GRIK2: variants seen among roughly 807,000 people sequenced by gnomAD.
GRIK2 encodes glutamate ionotropic receptor kainate type subunit 2.
Under a neutral mutation model 100.3 loss-of-function variants are expected in GRIK2, and 32 were observed. The observed-to-expected ratio is 0.32, with a 90% CI of 0.24 to 0.43. The LOEUF (loss-of-function observed/expected upper bound fraction) is 0.43. GRIK2 is among the 20% of genes least tolerant of loss of function. GRIK2 has a pLI of 1.00. For synonymous variants in GRIK2, 417 were observed against 389.4 expected (o/e 1.07, Z -0.83); for missense variants, 843 against 1,114.9 (o/e 0.76, Z 3.47).
intron 14 of GRIK2, among the ~76,000 whole-genome samples, chr6:102,028,026 T>A (rs1769793172): frequency 6.6e-6 from 1 of 151,110 alleles, no homozygotes; most frequent in Non-Finnish European, 1.5e-5. Context: ...CACTAAAACA[T>A]TCAGAAAAGA....
chr6:101,948,449 A>G (rs890553634), intron 14 of GRIK2, among the ~76,000 whole-genome samples: 58 of 147,208 alleles, frequency 3.9e-4, no homozygotes, highest in African/African-American at 1.3e-3. Flanking sequence ...TAACTAATAT[A>G]TATATATATA....
At chr6:102,018,365 A>G (rs1254769383) in intron 14 of GRIK2, among the ~76,000 whole-genome samples, 1 of 152,108 alleles carries the variant, frequency 6.6e-6, no homozygotes, top group African/African-American at 2.4e-5. Flanking sequence ...CTCGCCAAAT[A>G]TGTTAGGCTC....
intron 10 of GRIK2, among the ~76,000 whole-genome samples, chr6:101,820,406 A>T (rs184153515): frequency 3.9e-4 from 60 of 152,030 alleles, no homozygotes; most frequent in Non-Finnish European, 7.6e-4. Flanking sequence ...TCAAAACATC[A>T]CTTATTTTAT....
At chr6:101,689,263 T>C (rs532094381) in intron 7 of GRIK2, among the ~76,000 whole-genome samples, 1 of 152,226 alleles carries the variant, frequency 6.6e-6, no homozygotes, top group African/African-American at 2.4e-5. Flanking sequence ...GTATCTCTTT[T>C]TCTTTTTATC....
Position 101,815,209 on chromosome 6 carries a change from A to G in GRIK2, c.1204-3161A>G, listed in dbSNP as rs150372402. On this transcript the variant is annotated intron_variant, in intron 9 of 16. Coordinates refer to ENST00000369134, the MANE Select transcript of GRIK2 (RefSeq NM_021956.5). ...AATGACAGGAAAAAATAGGACCACA[A>G]TATTAACCATGATTGACTCTGGGTG... Among the ~76,000 whole-genome samples the G allele has an allele frequency of 3.9e-3, 589 of 152,268 alleles. 6 individuals carry two copies. Among genetic ancestry groups the G allele is most frequent in the African/African-American group, 0.014 (564 of 41,552 alleles).
In GRIK2 at chr6:101,651,539, G is replaced by GA. The variant is rs553202507; in HGVS notation, c.541+24909dup. Among the ~76,000 whole-genome samples the GA allele has an allele frequency of 3.5e-3, 529 of 152,146 alleles. 6 individuals are homozygous for GA. Among genetic ancestry groups the GA allele is most frequent in the African/African-American group, 0.012 (484 of 41,522 alleles). On this transcript the variant is annotated intron_variant, in intron 4 of 16. Coordinates refer to ENST00000369134, the MANE Select transcript of GRIK2 (RefSeq NM_021956.5). ...ATGTTAGAAGGCGATAAGTGCAACAGAAAAAAATAGAGCAATGCAAGAGGA... is the reference window on the plus strand; with the variant it reads ...ATGTTAGAAGGCGATAAGTGCAACAGAAAAAAAATAGAGCAATGCAAGAGGA...
intron 15 of GRIK2, among the ~76,000 whole-genome samples, chr6:102,054,010 TA>T (rs1771341834): frequency 6.6e-6 from 1 of 152,168 alleles, no homozygotes; most frequent in African/African-American, 2.4e-5. Context: ...ATTCCCCTAA[TA>T]TACTTAAGAA....
intron 4 of GRIK2, among the ~76,000 whole-genome samples, chr6:101,665,940 T>G (rs969018145): frequency 1.3e-5 from 2 of 152,054 alleles, no homozygotes; most frequent in African/African-American, 4.8e-5. Context: ...AGAACTAGTT[T>G]GGGAATACTG....
chr6:101,874,081 G>A (rs1273264842), intron 11 of GRIK2, among the ~76,000 whole-genome samples: 7 of 152,130 alleles, frequency 4.6e-5, no homozygotes, highest in Admixed American at 4.6e-4. Flanking sequence ...CTTTTGCTGT[G>A]CAGAAGCTCT....
intron 7 of GRIK2, among the ~76,000 whole-genome samples, chr6:101,757,096 A>G (rs1382084087): frequency 1.3e-5 from 2 of 152,154 alleles, no homozygotes; most frequent in Admixed American, 6.6e-5. Flanking sequence ...TATGGTTAGC[A>G]TGGAATGAGA....
intron 4 of GRIK2, among the ~76,000 whole-genome samples, chr6:101,663,129 C>T (rs955286626): frequency 1.3e-5 from 2 of 152,092 alleles, no homozygotes; most frequent in Non-Finnish European, 2.9e-5. Flanking sequence ...ACATCATAAG[C>T]TCTTTCATCA....
chr6:101,628,917 G>A (rs1164511940), intron 4 of GRIK2, among the ~76,000 whole-genome samples: 4 of 152,014 alleles, frequency 2.6e-5, no homozygotes, highest in African/African-American at 9.7e-5. Flanking sequence ...ACAATCCTAC[G>A]TGTATGCACA....
chr6:101,837,238 A>G (rs538419125), intron 10 of GRIK2, among the ~76,000 whole-genome samples: 6 of 152,278 alleles, frequency 3.9e-5, no homozygotes, highest in Non-Finnish European at 8.8e-5. Context: ...AAACCCAGAC[A>G]GTATTGTCTG....
At chr6:101,766,726 C>T (rs184283941) in intron 7 of GRIK2, among the ~76,000 whole-genome samples, 192 of 152,246 alleles carry the variant, frequency 1.3e-3, no homozygotes, top group Admixed American at 2.4e-3. Context: ...CCAAATGAGC[C>T]CCATTCTTAG....
At chr6:101,871,483 G>A (rs770769801) in intron 11 of GRIK2, among the ~76,000 whole-genome samples, 8 of 150,884 alleles carry the variant, frequency 5.3e-5, no homozygotes, top group Non-Finnish European at 8.8e-5. Flanking sequence ...CCATAACCCC[G>A]ATAGTGAGCA....
intron 14 of GRIK2, among the ~76,000 whole-genome samples, chr6:102,016,449 A>G (rs995131359): frequency 3.9e-5 from 6 of 152,058 alleles, no homozygotes; most frequent in Non-Finnish European, 8.8e-5. Flanking sequence ...AATTTTAAAA[A>G]AAGAATGAAC....
At chr6:101,557,796 C>T (rs1776817775) in intron 2 of GRIK2, among the ~76,000 whole-genome samples, 2 of 152,172 alleles carry the variant, frequency 1.3e-5, no homozygotes, top group Admixed American at 1.3e-4. Context: ...GCTACCTGTT[C>T]ATTTAGCACC....
At chr6:101,778,599 A>G (rs933930873) in intron 7 of GRIK2, among the ~76,000 whole-genome samples, 4 of 152,166 alleles carry the variant, frequency 2.6e-5, no homozygotes, top group African/African-American at 9.7e-5. Context: ...GAGGTATCCA[A>G]AAGTCATTCC....
intron 14 of GRIK2, among the ~76,000 whole-genome samples, chr6:102,018,007 C>A (rs1353135292): frequency 6.6e-6 from 1 of 152,132 alleles, no homozygotes; most frequent in Non-Finnish European, 1.5e-5. Flanking sequence ...TCCAAACTTA[C>A]TGCCATATCT....
Sources: gnomAD v4.1 joint callset for allele counts (sites outside exome capture counted in the v4.1 genomes callset) on GRCh38, gnomAD v4.1.1 for gene constraint, MANE v1.5 for transcripts, NCBI Gene and HGNC (gene_info 2026-07-23, HGNC 2026-07-21) for gene names.